WWOX: variants seen among roughly 807,000 people sequenced by gnomAD.
WWOX encodes WW domain-containing oxidoreductase.
In WWOX, 69 loss-of-function variants were observed where a neutral mutation model predicts 46.2. That is an observed-to-expected ratio of 1.49 (90% confidence interval 1.23 to 1.82). The LOEUF (loss-of-function observed/expected upper bound fraction) is 1.82. WWOX is among the 40% of genes most tolerant of loss of function. The pLI, the probability that WWOX is intolerant of heterozygous loss-of-function variation, is 0.00. For missense variants in WWOX, 919 were observed against 542.6 expected (o/e 1.69, Z -6.89); for synonymous variants, 359 against 202.6 (o/e 1.77, Z -6.56).
At chr16:78,686,538 T>G (rs1035916589) in intron 8 of WWOX, among the ~76,000 whole-genome samples, 1 of 150,962 alleles carries the variant, frequency 6.6e-6, no homozygotes, top group African/African-American at 2.4e-5. Context: ...CTGTTAGAAA[T>G]GCATATTTTC....
chr16:78,904,966 C>G (rs981342839), intron 8 of WWOX, among the ~76,000 whole-genome samples: 1 of 152,160 alleles, frequency 6.6e-6, no homozygotes, highest in African/African-American at 2.4e-5. Context: ...CCATCCTTAT[C>G]CTACCTCCCA....
At chr16:78,309,594 C>A (rs1445771997) in intron 5 of WWOX, among the ~76,000 whole-genome samples, 1 of 152,146 alleles carries the variant, frequency 6.6e-6, no homozygotes, top group Non-Finnish European at 1.5e-5. Flanking sequence ...CAAGGTGTAA[C>A]CCAGCCACCT....
In WWOX at chr16:79,034,363, A is replaced by G. The variant is rs539039923; in HGVS notation, c.1057-177245A>G. On this transcript the variant is annotated intron_variant, in intron 8 of 8. Coordinates refer to ENST00000566780, the MANE Select transcript of WWOX (RefSeq NM_016373.4). ...GTATATGTTTTGATAGGATTACATA[A>G]ATAATGAAATTGTATGCAAAGCATC... is the stretch of plus-strand genomic sequence containing the variant. 3.9e-5 allele frequency among the ~76,000 whole-genome samples: 6 copies of G among 152,332 alleles called. No homozygotes were observed. The East Asian group carries it at 7.7e-4, about 20-fold the overall frequency.
intron 5 of WWOX, among the ~76,000 whole-genome samples, chr16:78,260,924 A>G (rs1309933255): frequency 1.4e-5 from 2 of 146,720 alleles, no homozygotes; most frequent in African/African-American, 5.1e-5. Flanking sequence ...GAAACAGAGT[A>G]AGACTCCATC....
At chr16:78,392,187 G>T (rs774713039) in intron 6 of WWOX, among the ~76,000 whole-genome samples, 1 of 151,890 alleles carries the variant, frequency 6.6e-6, no homozygotes, top group Non-Finnish European at 1.5e-5. Context: ...GCTTAGAGCC[G>T]CTCTCTGTCA....
rs60074156 is a variant in WWOX at position 79,074,409 on chromosome 16, C to CTTTTTTTTTTTTTTTTTTTT, written c.1057-137185_1057-137166dup. On this transcript the variant is annotated intron_variant, in intron 8 of 8. Coordinates refer to ENST00000566780, the MANE Select transcript of WWOX (RefSeq NM_016373.4). ...CATCCTGACTGAAATGTCACTAGTC[C>CTTTTTTTTTTTTTTTTTTTT]TTTTTTTTTTTTTTTTTTTTTTTTT... 1.5e-3 allele frequency among the ~76,000 whole-genome samples: 46 copies of CTTTTTTTTTTTTTTTTTTTT among 30,986 alleles called. 7 individuals carry two copies. Among genetic ancestry groups the CTTTTTTTTTTTTTTTTTTTT allele is most frequent in the East Asian group, 2.8e-3 (2 of 726 alleles). The allele number at this position is 30,986 out of a possible 152,430, so 20.3% of individuals were successfully genotyped here.
At chr16:78,516,763 T>C (rs1322217034) in intron 8 of WWOX, among the ~76,000 whole-genome samples, 1 of 152,200 alleles carries the variant, frequency 6.6e-6, no homozygotes, top group East Asian at 1.9e-4. Context: ...GCTCCTTCCA[T>C]TTAAATAATT....
intron 8 of WWOX, among the ~76,000 whole-genome samples, chr16:78,785,809 T>G (rs1029978094): frequency 1.3e-5 from 2 of 152,258 alleles, no homozygotes; most frequent in African/African-American, 4.8e-5. Context: ...ATAATGGTTT[T>G]AAAATACCAA....
chr16:78,190,525 G>A (rs557360968), intron 5 of WWOX, among the ~76,000 whole-genome samples: 117 of 152,228 alleles, frequency 7.7e-4, no homozygotes, highest in African/African-American at 2.8e-3. Flanking sequence ...CTCCCCGACC[G>A]ACCCCATGAT....
intron 8 of WWOX, among the ~76,000 whole-genome samples, chr16:78,545,336 C>T (rs570737091): frequency 9.2e-5 from 14 of 152,106 alleles, no homozygotes; most frequent in African/African-American, 3.1e-4. Context: ...GTGGCCTGCT[C>T]CTCGTGGGAT....
At chr16:78,665,211 C>T (rs1013407926) in intron 8 of WWOX, among the ~76,000 whole-genome samples, 9 of 152,204 alleles carry the variant, frequency 5.9e-5, no homozygotes, top group South Asian at 4.2e-4. Flanking sequence ...AGTTGGCACG[C>T]GGGCTTCTGG....
At chr16:78,793,949 G>T (rs993025518) in intron 8 of WWOX, among the ~76,000 whole-genome samples, 1 of 152,034 alleles carries the variant, frequency 6.6e-6, no homozygotes, top group Non-Finnish European at 1.5e-5. Flanking sequence ...AGAGGATGTA[G>T]GGCAGGTAGG....
At chr16:78,854,874 G>C (rs958472306) in intron 8 of WWOX, among the ~76,000 whole-genome samples, 4 of 150,392 alleles carry the variant, frequency 2.7e-5, no homozygotes, top group Non-Finnish European at 5.9e-5. Flanking sequence ...GAGCCACCGC[G>C]CCAGCTCTAT....
intron 8 of WWOX, among the ~76,000 whole-genome samples, chr16:78,966,189 C>A (rs1235670660): frequency 6.6e-6 from 1 of 152,132 alleles, no homozygotes; most frequent in Non-Finnish European, 1.5e-5. Flanking sequence ...TGTGAAATAT[C>A]TCAGGAACAA....
At chr16:78,135,983 T>C (rs2033777141) in intron 4 of WWOX, among the ~76,000 whole-genome samples, 1 of 152,226 alleles carries the variant, frequency 6.6e-6, no homozygotes, top group African/African-American at 2.4e-5. Flanking sequence ...TATAAAATTA[T>C]ATTAAAGTCC....
chr16:78,608,826 T>C (rs1486058840), intron 8 of WWOX, among the ~76,000 whole-genome samples: 1 of 152,182 alleles, frequency 6.6e-6, no homozygotes, highest in Non-Finnish European at 1.5e-5. Context: ...CTTTATTTTT[T>C]CTAGCCTTTA....
At chr16:78,227,862 C>T (rs550261478) in intron 5 of WWOX, among the ~76,000 whole-genome samples, 13 of 152,060 alleles carry the variant, frequency 8.5e-5, no homozygotes, top group Admixed American at 6.6e-4. Context: ...GGTGACAGAG[C>T]GAAACTCTGT....
At chr16:78,456,755 G>A (rs2083827890) in intron 8 of WWOX, among the ~76,000 whole-genome samples, 1 of 152,232 alleles carries the variant, frequency 6.6e-6, no homozygotes, top group Non-Finnish European at 1.5e-5. Flanking sequence ...TTCATAATAT[G>A]TGTAAAAATT....
intron 4 of WWOX, among the ~76,000 whole-genome samples, chr16:78,142,061 T>C (rs1187216357): frequency 6.6e-6 from 1 of 152,070 alleles, no homozygotes; most frequent in Non-Finnish European, 1.5e-5. Context: ...CATAACAGAT[T>C]TGATTTTCAC....
Sources: gnomAD v4.1 joint callset for allele counts (sites outside exome capture counted in the v4.1 genomes callset) on GRCh38, gnomAD v4.1.1 for gene constraint, MANE v1.5 for transcripts, NCBI Gene and HGNC (gene_info 2026-07-23, HGNC 2026-07-21) for gene names.